Variants in TCTN3 observed in about 807,000 individuals in gnomAD.
TCTN3 encodes tectonic-3.
Under a neutral mutation model 71.3 loss-of-function variants are expected in TCTN3, and 57 were observed. The ratio of observed to expected loss-of-function variants is 0.80; its 90% CI spans 0.65 to 1.00. The LOEUF (loss-of-function observed/expected upper bound fraction) is 1.00. Among genes scored for constraint, TCTN3 ranks in the 50% least tolerant of loss-of-function variants. TCTN3 has a pLI of 0.00. For synonymous variants in TCTN3, 258 were observed against 267.8 expected (o/e 0.96, Z 0.36); for missense variants, 696 against 719.9 (o/e 0.97, Z 0.38).
Position 95,687,648 on chromosome 10 carries a change from C to A in TCTN3, c.571G>T (p.Gly191Ter). Residue 191 changes from glycine to a stop codon, truncating the protein, a stop_gained, in exon 4 of 14, where the codon GGA becomes TGA. Coordinates refer to ENST00000371217, the MANE Select transcript of TCTN3 (RefSeq NM_015631.6). LOFTEE classifies it high-confidence loss of function. ...TNFQALAAEF[G>*]GESFTSTFQT... is the part of the protein sequence containing the mutation. The stretch of plus-strand genomic sequence containing the variant: ...AATGTTGAAGTGAATGATTCGCCTC[C>A]AAACTCTGCAGCCAGGGCCTGGAAG... 6.2e-7 allele frequency: 1 copy of A among 1,614,204 alleles called. No individual in the cohort carries two copies. The highest frequency in any genetic ancestry group is 1.1e-5 in the South Asian group (1 of 91,088).
intron 13 of TCTN3, among the ~76,000 whole-genome samples, chr10:95,676,593 T>C (rs183796070): frequency 4.0e-4 from 61 of 152,310 alleles, no homozygotes; most frequent in Admixed American, 1.4e-3. Flanking sequence ...ATAAAACTTT[T>C]GTGTCTATTT....
At chr10:95,672,762 G>A (rs958931836) in intron 13 of TCTN3, among the ~76,000 whole-genome samples, 8 of 142,586 alleles carry the variant, frequency 5.6e-5, no homozygotes, top group African/African-American at 2.1e-4. Flanking sequence ...GCATGATCTC[G>A]GCTCACTGCA....
intron 13 of TCTN3, among the ~76,000 whole-genome samples, chr10:95,668,168 A>C (rs2097927393): frequency 1.3e-5 from 2 of 151,908 alleles, no homozygotes; most frequent in East Asian, 3.8e-4. Flanking sequence ...TTTTTTAGGA[A>C]GAACAAAAAG....
intron 7 of TCTN3, 103 bp from the exon 8 acceptor site, chr10:95,685,739 AC>A: frequency 1.2e-6 from 1 of 860,456 alleles, no homozygotes; most frequent in Non-Finnish European, 1.8e-6. Context: ...CTTCCCCTTG[AC>A]CACCCTCTCT....
At chr10:95,692,684 C>T (rs2097954639) in intron 3 of TCTN3, among the ~76,000 whole-genome samples, 1 of 152,200 alleles carries the variant, frequency 6.6e-6, no homozygotes, top group Non-Finnish European at 1.5e-5. Context: ...AACCCACCGG[C>T]CGCATGCAGC....
At chr10:95,680,387 G>A in intron 13 of TCTN3, 85 bp downstream of exon 13, 3 of 1,474,086 alleles carry the variant, frequency 2.0e-6, no homozygotes, top group South Asian at 2.8e-5. Flanking sequence ...CTCTTGGAAG[G>A]TAAAAAATTA....
At position 95,664,264 on chromosome 10, in the gene TCTN3, GA is replaced by G; in HGVS notation, c.1626del (p.Val544Ter). ...TGGGTAATGTCCACAAAGTTCACAA[GA>G]GTTGTCAAAGATACTTCTGTAACTT... Reference protein sequence around the residue: ...SQQVTEVSLTTLVNFVDITQK... With the variant: ...SQQVTEVSLTXLVNFVDITQK... On this transcript the variant is annotated frameshift_variant, in exon 14 of 14. Coordinates refer to ENST00000371217, the MANE Select transcript of TCTN3 (RefSeq NM_015631.6). LOFTEE classifies it high-confidence loss of function. 6.2e-7 allele frequency: 1 copy of G among 1,614,118 alleles called. No homozygotes were observed.
intron 6 of TCTN3, 134 bp downstream of exon 6, chr10:95,686,910 G>C (rs991446206): frequency 7.2e-5 from 51 of 707,080 alleles, no homozygotes; most frequent in Non-Finnish European, 1.1e-4. Context: ...GTGGTTTCCA[G>C]GCCCTCTGTC....
chr10:95,671,150 T>C (rs1589604231), intron 13 of TCTN3, among the ~76,000 whole-genome samples: 1 of 152,304 alleles, frequency 6.6e-6, no homozygotes. Context: ...TGGGGAAAAA[T>C]AACTCTCTCA....
chr10:95,671,050 T>A (rs2139706297), intron 13 of TCTN3, among the ~76,000 whole-genome samples: 1 of 152,362 alleles, frequency 6.6e-6, no homozygotes, highest in Non-Finnish European at 1.5e-5. Flanking sequence ...GATTCTCAAG[T>A]CTAAATTTTT....
Position 95,680,514 on chromosome 10 carries a change from A to G in TCTN3, c.1548T>C (p.His516=), listed in dbSNP as rs2097941875. The change falls in exon 13 of 14, where the codon CAT becomes CAC. Residue 516 remains histidine, a synonymous_variant. Transcript: ENST00000371217. ...GGTATAGGAATCGAACTCCTGATAC[A>G]TGAGCTTGCGGGTTGGACAGGAGAC... ...YVGLLSNPQA[H]VSGVRFLYQC... is the part of the protein sequence containing the mutation. 1.2e-6 allele frequency: 2 copies of G among 1,614,192 alleles called. No homozygotes were observed. Among genetic ancestry groups the G allele is most frequent in the Admixed American group, 1.7e-5 (1 of 60,030 alleles).
chr10:95,675,185 C>T (rs1008024685), intron 13 of TCTN3, among the ~76,000 whole-genome samples: 5 of 152,190 alleles, frequency 3.3e-5, no homozygotes, highest in Admixed American at 6.5e-5. Context: ...CTCCGCCTCT[C>T]GGGTTCAAGC....
chr10:95,691,713 T>C (rs1323651073), intron 3 of TCTN3, among the ~76,000 whole-genome samples: 1 of 152,214 alleles, frequency 6.6e-6, no homozygotes, highest in Non-Finnish European at 1.5e-5. Flanking sequence ...TTTAAAAAGA[T>C]AGATTAGCTT....
intron 13 of TCTN3, among the ~76,000 whole-genome samples, chr10:95,677,474 G>GGTTTTTTTTTTTTTTT (rs2097938217): frequency 8.7e-5 from 7 of 80,736 alleles, no homozygotes; most frequent in Non-Finnish European, 2.1e-4. Flanking sequence ...GAAGTCTACA[G>GGTTTTTTTTTTTTTTT]TTTTTTTTGT....
At chr10:95,677,500 T>TTTTTTTA in intron 13 of TCTN3, among the ~76,000 whole-genome samples, 1 of 146,602 alleles carries the variant, frequency 6.8e-6, no homozygotes, top group Non-Finnish European at 1.5e-5. Context: ...TTTTTTTTTT[T>TTTTTTTA]TGCTGTATTT....
Position 95,669,308 on chromosome 10 carries a change from A to G in TCTN3, c.1591-5008T>C, listed in dbSNP as rs751809747. ...GAGCAGATTTTAAATGTTCCCAACCACAAAGAAATGACAAATGTTCAAGGT... is the reference window on the plus strand; with the variant it reads ...GAGCAGATTTTAAATGTTCCCAACCGCAAAGAAATGACAAATGTTCAAGGT... On this transcript the variant is annotated intron_variant, in intron 13 of 13. Transcript: ENST00000371217. Among the ~76,000 whole-genome samples, 7 of 152,366 alleles carry G rather than the reference A, an allele frequency of 4.6e-5. No individual in the cohort carries two copies. The South Asian group carries it at 8.3e-4, about 18-fold the overall frequency.
In TCTN3 at chr10:95,687,506, G is replaced by A. The variant is rs1024332719; in HGVS notation, c.627+86C>T. On this transcript the variant is annotated intron_variant, in intron 4 of 13. Coordinates refer to ENST00000371217, the MANE Select transcript of TCTN3 (RefSeq NM_015631.6). Reference sequence around the variant, plus strand: ...CTGACAATGGTTTAGCTAGCTGCAGGGTAGTGCTGCAAAGTTACCTTGTCA... The same window carrying A: ...CTGACAATGGTTTAGCTAGCTGCAGAGTAGTGCTGCAAAGTTACCTTGTCA... 5 of 1,576,326 alleles carry A rather than the reference G, an allele frequency of 3.2e-6. No individual in the cohort carries two copies. In the African/African-American group the frequency reaches 6.8e-5, roughly 21 times the overall value.
chr10:95,683,536 C>T lies in TCTN3; in HGVS notation c.1189G>A (p.Asp397Asn), dbSNP rs1239502080. Residue 397 changes from aspartate (D) to asparagine (N), a missense_variant, in exon 10 of 14, where the codon GAT (aspartate) becomes AAT (asparagine). Transcript: ENST00000371217. ...AAAAAGGATACTGAGTAACTTATATCATCAGTCAGAGCCAAGAGTGGCTTC... is the reference window on the plus strand; with the variant it reads ...AAAAAGGATACTGAGTAACTTATATTATCAGTCAGAGCCAAGAGTGGCTTC... ...VGKPLLALTD[D>N]ISYSMTLLQS... 2 of 1,614,194 alleles carry T rather than the reference C, an allele frequency of 1.2e-6. No homozygotes were observed. The highest frequency in any genetic ancestry group is 1.7e-5 in the Admixed American group (1 of 60,026).
At chr10:95,677,474 GTTTTTTTTGTTT>G (rs1490616577) in intron 13 of TCTN3, among the ~76,000 whole-genome samples, 21 of 80,774 alleles carry the variant, frequency 2.6e-4, no homozygotes, top group South Asian at 7.3e-4. Context: ...GAAGTCTACA[GTTTTTTTTGTTT>G]TTTTTTTTTT....
Sources: allele counts gnomAD v4.1 joint callset (sites outside exome capture counted in the v4.1 genomes callset), GRCh38; gene constraint gnomAD v4.1.1; transcripts MANE v1.5; gene names NCBI Gene and HGNC (gene_info 2026-07-23, HGNC 2026-07-21).